KCNG3: variants seen among roughly 807,000 people sequenced by gnomAD.
The protein encoded by KCNG3 is potassium voltage-gated channel modifier subfamily G member 3, also known as voltage-gated potassium channel regulatory subunit KCNG3.
KCNG3 carries 15 observed loss-of-function variants against 29.0 expected under a neutral mutation model. The observed-to-expected ratio is 0.52, with a 90% confidence interval of 0.35 to 0.80. The LOEUF (loss-of-function observed/expected upper bound fraction) is 0.80, where lower values mean the gene tolerates loss of function less well. KCNG3 is among the 30% of genes least tolerant of loss of function. The pLI is 0.01. For synonymous variants in KCNG3, 322 were observed against 248.9 expected, an observed-to-expected ratio of 1.29 and a Z score of -2.76; for missense variants, 512 against 605.7, an observed-to-expected ratio of 0.85 and a Z score of 1.62.
chr2:42,431,408 A>T, the KCNG3 span, among the ~76,000 whole-genome samples: 1 of 152,210 alleles, frequency 6.6e-6, no homozygotes, highest in Non-Finnish European at 1.5e-5. Context: ...TGATATACAC[A>T]TTTGCATTGA....
rs757911925 is a variant in KCNG3 at position 42,444,429 on chromosome 2, T to C, written c.816A>G (p.Thr272=). The stretch of plus-strand genomic sequence containing the variant: ...GTTGAGAGTTCTCGCCTGTAAACAC[T>C]GTCATCAACACAGAGATGTAATACG... The part of the protein sequence containing the change: ...ITPYYISVLM[T]VFTGENSQLQ... The change falls in exon 2 of 2, where the codon ACA becomes ACG. Residue 272 remains threonine, a synonymous_variant. Coordinates refer to ENST00000306078, the MANE Select transcript of KCNG3 (RefSeq NM_133329.6). The surrounding 1 kb of genome is among the most constrained non-coding windows in gnomAD (Gnocchi z 5.8). 3 of 1,614,140 alleles carry C rather than the reference T, an allele frequency of 1.9e-6. No individual in the cohort carries two copies. The highest frequency in any genetic ancestry group is 2.5e-6 in the Non-Finnish European group (3 of 1,180,034).
chr2:42,402,587 G>T, the KCNG3 span, among the ~76,000 whole-genome samples: 1 of 152,316 alleles, frequency 6.6e-6, no homozygotes, highest in African/African-American at 2.4e-5. Flanking sequence ...AATTCGTTTT[G>T]TGTATGGTAT....
the KCNG3 span, among the ~76,000 whole-genome samples, chr2:42,397,733 A>C: frequency 6.6e-6 from 1 of 152,192 alleles, no homozygotes; most frequent in Non-Finnish European, 1.5e-5. Flanking sequence ...CTACTTGCTT[A>C]TATTTTCAAA....
At chr2:42,475,566 C>T (rs184239533) in intron 1 of KCNG3, among the ~76,000 whole-genome samples, 1 of 151,030 alleles carries the variant, frequency 6.6e-6, no homozygotes, top group Middle Eastern at 3.2e-3. Context: ...CTGGCCTCAA[C>T]TGATCTGCCC....
At chr2:42,466,433 C>T (rs1054678693) in intron 1 of KCNG3, among the ~76,000 whole-genome samples, 2 of 152,048 alleles carry the variant, frequency 1.3e-5, no homozygotes, top group Non-Finnish European at 2.9e-5. Context: ...AAAACAAAAA[C>T]GAAATACAAT....
chr2:42,468,959 A>C (rs1673214735), intron 1 of KCNG3, among the ~76,000 whole-genome samples: 1 of 149,044 alleles, frequency 6.7e-6, no homozygotes, highest in Admixed American at 6.7e-5. Flanking sequence ...GTCTCCAAAA[A>C]AAAAAAAAAA....
the KCNG3 span, among the ~76,000 whole-genome samples, chr2:42,414,982 G>C: frequency 6.6e-6 from 1 of 151,992 alleles, no homozygotes; most frequent in African/African-American, 2.4e-5. Context: ...CTTTTAGATG[G>C]GCCTACTGTT....
chr2:42,462,727 T>G (rs1673048831), intron 1 of KCNG3, among the ~76,000 whole-genome samples: 1 of 152,090 alleles, frequency 6.6e-6, no homozygotes, highest in South Asian at 2.1e-4. Context: ...CTTTGTCAGG[T>G]GAATTTGTAC....
the KCNG3 span, among the ~76,000 whole-genome samples, chr2:42,420,646 G>T: frequency 6.6e-6 from 1 of 152,006 alleles, no homozygotes; most frequent in Non-Finnish European, 1.5e-5. Flanking sequence ...ATAATTAGCC[G>T]GACGTGGTGG....
At chr2:42,479,339 A>G (rs1673521600) in intron 1 of KCNG3, among the ~76,000 whole-genome samples, 3 of 152,158 alleles carry the variant, frequency 2.0e-5, no homozygotes, top group African/African-American at 4.8e-5. Context: ...TCAAGCATGA[A>G]TATCGTCATA....
intron 1 of KCNG3, among the ~76,000 whole-genome samples, chr2:42,452,243 A>ATATATATATATATTTTTTTTTTTTT: frequency 1.1e-5 from 1 of 95,050 alleles, no homozygotes; most frequent in Non-Finnish European, 2.1e-5. Context: ...ATATATATAT[A>ATATATATATATATTTTTTTTTTTTT]TTTTTTTTTT....
intron 1 of KCNG3, among the ~76,000 whole-genome samples, chr2:42,471,069 T>G (rs1263828518): frequency 2.0e-5 from 3 of 151,520 alleles, no homozygotes; most frequent in African/African-American, 4.9e-5. Flanking sequence ...AGAGGATCAC[T>G]TGAGCCTAGG....
At chr2:42,475,321 C>T (rs1673396369) in intron 1 of KCNG3, among the ~76,000 whole-genome samples, 1 of 117,366 alleles carries the variant, frequency 8.5e-6, no homozygotes. Context: ...AAGCCTCTGT[C>T]TCTTTTTTTT....
chr2:42,412,414 G>A, the KCNG3 span, among the ~76,000 whole-genome samples: 1 of 152,096 alleles, frequency 6.6e-6, no homozygotes, highest in Non-Finnish European at 1.5e-5. Flanking sequence ...GTTCTTTAGT[G>A]TGACTATTAT....
At chr2:42,396,904 T>A in the KCNG3 span, among the ~76,000 whole-genome samples, 1 of 152,118 alleles carries the variant, frequency 6.6e-6, no homozygotes. Context: ...TGTTAGTTGT[T>A]TAGGGAACTA....
intron 1 of KCNG3, among the ~76,000 whole-genome samples, chr2:42,457,395 G>A (rs781172686): frequency 6.6e-6 from 1 of 151,820 alleles, no homozygotes; most frequent in Non-Finnish European, 1.5e-5. Context: ...CTGGGAGGCT[G>A]AGGTAAAAGG....
At chr2:42,419,588 T>C in the KCNG3 span, among the ~76,000 whole-genome samples, 1 of 152,094 alleles carries the variant, frequency 6.6e-6, no homozygotes, top group Non-Finnish European at 1.5e-5. Flanking sequence ...TGCAAAAGGC[T>C]GGACTTAAGG....
intron 1 of KCNG3, among the ~76,000 whole-genome samples, chr2:42,471,058 T>TA (rs1673272495): frequency 6.6e-6 from 1 of 150,734 alleles, no homozygotes; most frequent in African/African-American, 2.4e-5. Flanking sequence ...AAGCTGAGGG[T>TA]AGAGGATCAC....
the KCNG3 span, among the ~76,000 whole-genome samples, chr2:42,433,431 G>T: frequency 6.6e-6 from 1 of 152,056 alleles, no homozygotes; most frequent in South Asian, 2.1e-4. Context: ...CATCAATGTG[G>T]GCAGGCACCA....
Sources: gnomAD v4.1 joint callset for allele counts (sites outside exome capture counted in the v4.1 genomes callset) on GRCh38, gnomAD v4.1.1 for gene constraint, Gnocchi (gnomAD v3.1) non-coding constraint, MANE v1.5 for transcripts, NCBI Gene and HGNC (gene_info 2026-07-23, HGNC 2026-07-21) for gene names.